Variants in TNRC6A observed in about 807,000 individuals in gnomAD.
TNRC6A encodes the protein trinucleotide repeat-containing gene 6A protein.
TNRC6A carries 44 observed loss-of-function variants against 221.2 expected under a neutral mutation model. The ratio of observed to expected loss-of-function variants is 0.20; its 90% CI spans 0.16 to 0.26. The LOEUF is 0.26. TNRC6A is among the 10% of genes least tolerant of loss of function. TNRC6A has a pLI of 1.00. For synonymous variants in TNRC6A, 847 were observed against 838.5 expected, an observed-to-expected ratio of 1.01 and a Z score of -0.18; for missense variants, 2,199 against 2,404.4, an observed-to-expected ratio of 0.91 and a Z score of 1.79.
chr16:24,759,550 C>T (rs989545918), intron 4 of TNRC6A, among the ~76,000 whole-genome samples: 4 of 152,066 alleles, frequency 2.6e-5, no homozygotes, highest in Non-Finnish European at 5.9e-5. Flanking sequence ...TCTTTTGTCT[C>T]TAGAGTTGGG....
chr16:24,726,126 G>A (rs2056487710), upstream of TNRC6A, among the ~76,000 whole-genome samples: 1 of 152,148 alleles, frequency 6.6e-6, no homozygotes, highest in African/African-American at 2.4e-5. Flanking sequence ...TAAATACTGT[G>A]TGAGTGAATT....
chr16:24,645,834 CAAAAAA>C (rs36106864), intron 2 of TNRC6A, among the ~76,000 whole-genome samples: 1,179 of 26,490 alleles, frequency 0.045, 9 homozygotes, highest in African/African-American at 0.13. Flanking sequence ...CCTGTATCTA[CAAAAAA>C]AAAAAAAAAA....
intron 1 of TNRC6A, among the ~76,000 whole-genome samples, chr16:24,625,256 C>A (rs898471623): frequency 7.9e-5 from 12 of 152,184 alleles, no homozygotes; most frequent in Admixed American, 7.2e-4. Context: ...GGCATTGACT[C>A]TTCCCTAACA....
intron 2 of TNRC6A, among the ~76,000 whole-genome samples, chr16:24,680,095 G>A (rs928787128): frequency 3.3e-5 from 5 of 152,090 alleles, no homozygotes. Flanking sequence ...TGCTTAAGAA[G>A]GAATTAGCTT....
At chr16:24,679,275 G>T (rs1484251695) in intron 2 of TNRC6A, among the ~76,000 whole-genome samples, 1 of 151,882 alleles carries the variant, frequency 6.6e-6, no homozygotes, top group African/African-American at 2.4e-5. Context: ...TGGGATTACA[G>T]GCTGAGCCAC....
At chr16:24,669,941 C>CTTTTTTTTTTTTTTTTTTTTTTTTTTTTT in intron 2 of TNRC6A, among the ~76,000 whole-genome samples, 1 of 27,188 alleles carries the variant, frequency 3.7e-5, no homozygotes, top group Non-Finnish European at 6.6e-5. Context: ...GAGGCAGCTA[C>CTTTTTTTTTTTTTTTTTTTTTTTTTTTTT]TTTTTTTTTT....
chr16:24,813,606 A>C (rs1478371677), intron 18 of TNRC6A, among the ~76,000 whole-genome samples: 3 of 152,234 alleles, frequency 2.0e-5, no homozygotes, highest in African/African-American at 7.2e-5. Context: ...CACATCAGTC[A>C]GTGGTCAGCA....
chr16:24,708,067 A>C (rs528109863), intron 2 of TNRC6A, among the ~76,000 whole-genome samples: 1 of 151,852 alleles, frequency 6.6e-6, no homozygotes, highest in Non-Finnish European at 1.5e-5. Flanking sequence ...AAAAAAAAAA[A>C]AACACACACA....
intron 1 of TNRC6A, among the ~76,000 whole-genome samples, chr16:24,634,127 G>A (rs1194226708): frequency 6.6e-6 from 1 of 152,092 alleles, no homozygotes; most frequent in East Asian, 1.9e-4. Flanking sequence ...CCTAAATAGT[G>A]TGATCATTTG....
chr16:24,743,779 C>G (rs1440782343), intron 2 of TNRC6A, among the ~76,000 whole-genome samples: 1 of 152,160 alleles, frequency 6.6e-6, no homozygotes, highest in Non-Finnish European at 1.5e-5. Context: ...GAGTAACTTA[C>G]AGACATGATA....
Position 24,790,346 on chromosome 16 carries a change from C to G in TNRC6A, c.1704C>G (p.Asn568Lys). 6.2e-7 allele frequency: 1 copy of G among 1,614,156 alleles called. No individual in the cohort carries two copies. Among genetic ancestry groups the G allele is most frequent in the South Asian group, 1.1e-5 (1 of 91,078 alleles). The change falls in exon 6 of 25, where the codon AAC (asparagine) becomes AAG (lysine). Residue 568 changes from asparagine (N) to lysine (K), a missense_variant. Asn to Lys is a moderately conservative substitution (Grantham distance 94). Transcript: ENST00000395799. ...PMGTNFQVNT[N>K]KGGGVWESGA... Reference sequence around the variant, plus strand: ...GCACTAACTTTCAAGTTAACACAAACAAAGGAGGTGGTGTGTGGGAATCTG... The same window carrying G: ...GCACTAACTTTCAAGTTAACACAAAGAAAGGAGGTGGTGTGTGGGAATCTG...
At chr16:24,710,329 A>G (rs2056181485) in intron 2 of TNRC6A, among the ~76,000 whole-genome samples, 1 of 151,500 alleles carries the variant, frequency 6.6e-6, no homozygotes, top group Non-Finnish European at 1.5e-5. Flanking sequence ...TTGGCCAGGC[A>G]TGGCATGGTG....
intron 1 of TNRC6A, among the ~76,000 whole-genome samples, chr16:24,639,185 A>G (rs903129397): frequency 6.6e-6 from 1 of 152,164 alleles, no homozygotes; most frequent in Non-Finnish European, 1.5e-5. Flanking sequence ...AATGTTTGTC[A>G]TAGAAGATGA....
At chr16:24,614,275 G>A (rs1476858011) in intron 1 of TNRC6A, among the ~76,000 whole-genome samples, 1 of 152,242 alleles carries the variant, frequency 6.6e-6, no homozygotes, top group Non-Finnish European at 1.5e-5. Context: ...TCGTGTTTGC[G>A]AGGCCCCGTG....
chr16:24,697,483 G>A (rs1397782605), intron 2 of TNRC6A, among the ~76,000 whole-genome samples: 3 of 152,066 alleles, frequency 2.0e-5, no homozygotes, highest in East Asian at 3.9e-4. Context: ...CCAGGAGTTC[G>A]AGACCAGCCT....
At chr16:24,713,669 C>T (rs2056255068) in intron 2 of TNRC6A, among the ~76,000 whole-genome samples, 1 of 151,138 alleles carries the variant, frequency 6.6e-6, no homozygotes, top group African/African-American at 2.4e-5. Context: ...TTTTTTGAGA[C>T]AAAGTCTCAC....
At position 24,790,670 on chromosome 16, in the gene TNRC6A, A is replaced by G. The variant is rs767317846; in HGVS notation, c.2028A>G (p.Thr676=). The change falls in exon 6 of 25, where the codon ACA becomes ACG. Residue 676 remains threonine (T), a synonymous_variant. Coordinates refer to ENST00000395799, the MANE Select transcript of TNRC6A (RefSeq NM_014494.4). ...GTACAGTGGAGAGCGATGGTAGTAC[A>G]GAAAGCACTGGACGCCTTGAGGAAA... ...TGGTVESDGS[T]ESTGRLEEKG... is the part of the protein sequence containing the mutation. The G allele has an allele frequency of 1.9e-6, 3 of 1,614,228 alleles. No individual in the cohort carries two copies. Among genetic ancestry groups the G allele is most frequent in the South Asian group, 1.1e-5 (1 of 91,082 alleles).
At chr16:24,788,497 A>G (rs1332351555) in intron 5 of TNRC6A, among the ~76,000 whole-genome samples, 4 of 152,172 alleles carry the variant, frequency 2.6e-5, no homozygotes, top group African/African-American at 9.7e-5. Flanking sequence ...TATACTAGAA[A>G]ACAGAGGGTG....
At position 24,789,717 on chromosome 16, in the gene TNRC6A, A is replaced by C. The variant is rs1351475929; in HGVS notation, c.1075A>C (p.Ser359Arg). ...TTCATCAAATGGAGGGTTAAATCCA[A>C]GCACTTTGAATTCAGCTAGCAACCA... is the stretch of plus-strand genomic sequence containing the variant. ...SSSSNGGLNP[S>R]TLNSASNHGA... The change falls in exon 6 of 25, where the codon AGC becomes CGC. Residue 359 changes from serine (S) to arginine (R), a missense_variant. Around this residue, in one of 8 missense-constraint regions of TNRC6A, gnomAD observed 1,405 missense variants for 1,400.2 expected, o/e 1.00. Transcript: ENST00000395799. 1.9e-6 allele frequency: 3 copies of C among 1,614,114 alleles called. No individual in the cohort carries two copies.
Sources: gnomAD v4.1 joint callset for allele counts (sites outside exome capture counted in the v4.1 genomes callset) on GRCh38, gnomAD v4.1.1 for gene constraint, gnomAD v4.1.1 regional missense constraint, MANE v1.5 for transcripts, NCBI Gene and HGNC (gene_info 2026-07-23, HGNC 2026-07-21) for gene names.